PIGU: variants seen among roughly 807,000 people sequenced by gnomAD.
PIGU encodes the protein GPI-anchor transamidase component PIGU.
Under a neutral mutation model 49.9 loss-of-function variants are expected in PIGU, and 24 were observed. That is an observed-to-expected ratio of 0.48 (90% CI 0.35 to 0.68). The LOEUF is 0.68. PIGU is among the 30% of genes least tolerant of loss of function. The pLI, the probability that PIGU is intolerant of heterozygous loss-of-function variation, is 0.01. For missense variants in PIGU, 490 were observed against 532.6 expected (o/e 0.92, Z 0.79); for synonymous variants, 220 against 205.7 (o/e 1.07, Z -0.59).
intron 1 of PIGU, 31 bp from the exon 2 acceptor site, chr20:34,657,275 A>T: frequency 6.4e-7 from 1 of 1,570,648 alleles, no homozygotes; most frequent in South Asian, 1.1e-5. Context: ...GTTCACTCAG[A>T]CTAAGCAGGC....
intron 6 of PIGU, among the ~76,000 whole-genome samples, chr20:34,626,930 T>C (rs1279694768): frequency 6.6e-6 from 1 of 152,002 alleles, no homozygotes; most frequent in Non-Finnish European, 1.5e-5. Context: ...ATAATTTTAT[T>C]AATATTATGT....
At chr20:34,638,128 C>A in intron 4 of PIGU, 143 bp from the exon 5 acceptor site, 1 of 1,336,266 alleles carries the variant, frequency 7.5e-7, no homozygotes, top group Non-Finnish European at 9.7e-7. Context: ...ATCTCACACT[C>A]GGCCCTCCCC....
At chr20:34,673,292 A>G (rs2146801541) in intron 1 of PIGU, among the ~76,000 whole-genome samples, 1 of 152,124 alleles carries the variant, frequency 6.6e-6, no homozygotes, top group Non-Finnish European at 1.5e-5. Context: ...GTCATGTGAA[A>G]CCAGAAGGAG....
At position 34,666,928 on chromosome 20, in the gene PIGU, G is replaced by C. The variant is rs1258453773; in HGVS notation, c.131-9684C>G. ...TTAGCCAGGATGGTCTCGATCTCCT[G>C]ACCTCGTGATCCACCCGCCTCGGCC... On this transcript the variant is annotated intron_variant, in intron 1 of 11. Transcript: ENST00000217446. 2.6e-5 allele frequency among the ~76,000 whole-genome samples: 4 copies of C among 152,086 alleles called. No individual in the cohort carries two copies. The East Asian group carries it at 7.8e-4, about 29-fold the overall frequency.
intron 10 of PIGU, among the ~76,000 whole-genome samples, chr20:34,577,497 C>A (rs1401055085): frequency 6.6e-6 from 1 of 152,140 alleles, no homozygotes; most frequent in Non-Finnish European, 1.5e-5. Flanking sequence ...AGGTAGATCA[C>A]CTGAGGTCAA....
chr20:34,625,163 G>A (rs1442668911), intron 6 of PIGU, among the ~76,000 whole-genome samples: 2 of 151,674 alleles, frequency 1.3e-5, no homozygotes, highest in Non-Finnish European at 2.9e-5. Flanking sequence ...CCTGAGGTCA[G>A]GAGTACAAGA....
intron 7 of PIGU, among the ~76,000 whole-genome samples, chr20:34,615,559 C>T (rs1388955257): frequency 6.6e-6 from 1 of 152,148 alleles, no homozygotes; most frequent in African/African-American, 2.4e-5. Context: ...TTTCAGTTAC[C>T]TGTTGTCAAC....
chr20:34,572,146 G>C (rs1983038517), intron 11 of PIGU, among the ~76,000 whole-genome samples: 1 of 152,026 alleles, frequency 6.6e-6, no homozygotes, highest in South Asian at 2.1e-4. Flanking sequence ...AAGAATATGT[G>C]GAGGGATATG....
chr20:34,581,433 C>G, intron 10 of PIGU, 115 bp downstream of exon 10: 1 of 1,392,712 alleles, frequency 7.2e-7, no homozygotes, highest in South Asian at 1.4e-5. Context: ...TGCTCCCCTC[C>G]TAGTGCTGCC....
At chr20:34,649,962 C>A (rs972881744) in intron 2 of PIGU, among the ~76,000 whole-genome samples, 1 of 151,558 alleles carries the variant, frequency 6.6e-6, no homozygotes, top group African/African-American at 2.4e-5. Flanking sequence ...CATTCTCCTG[C>A]CTCAGCCTCC....
chr20:34,602,964 T>C (rs1984482641), intron 7 of PIGU, among the ~76,000 whole-genome samples: 1 of 152,198 alleles, frequency 6.6e-6, no homozygotes, highest in African/African-American at 2.4e-5. Context: ...TTGCCTATTT[T>C]TAAAATTTTT....
At chr20:34,639,935 A>G (rs1051907684) in intron 4 of PIGU, among the ~76,000 whole-genome samples, 14 of 152,340 alleles carry the variant, frequency 9.2e-5, no homozygotes, top group African/African-American at 3.4e-4. Flanking sequence ...CTTAGTGAGG[A>G]CAGCTGCAGC....
At chr20:34,675,254 A>G (rs915429937) in intron 1 of PIGU, among the ~76,000 whole-genome samples, 4 of 134,442 alleles carry the variant, frequency 3.0e-5, no homozygotes, top group Non-Finnish European at 4.9e-5. Context: ...ATCTCAAAAA[A>G]AAAAAAAAAA....
At chr20:34,592,844 T>C (rs1600608860) in intron 7 of PIGU, among the ~76,000 whole-genome samples, 1 of 152,146 alleles carries the variant, frequency 6.6e-6, no homozygotes, top group African/African-American at 2.4e-5. Flanking sequence ...CCTGCTGAAT[T>C]AGGGTTGATG....
intron 4 of PIGU, among the ~76,000 whole-genome samples, chr20:34,640,442 A>C (rs1365657202): frequency 6.6e-6 from 1 of 152,156 alleles, no homozygotes; most frequent in African/African-American, 2.4e-5. Flanking sequence ...AGCTAGAGAC[A>C]GGAAAGTGGC....
chr20:34,574,584 C>T (rs893920623), intron 11 of PIGU, among the ~76,000 whole-genome samples: 1 of 152,146 alleles, frequency 6.6e-6, no homozygotes, highest in African/African-American at 2.4e-5. Context: ...CTCAACTCCC[C>T]AACAGCCAGA....
At chr20:34,644,297 C>A (rs1600655330) in intron 3 of PIGU, 71 bp from the exon 4 acceptor site, 1 of 1,333,952 alleles carries the variant, frequency 7.5e-7, no homozygotes, top group East Asian at 2.4e-5. Context: ...GCTACCAGGG[C>A]TTGGAGTTTT....
At position 34,569,219 on chromosome 20, in the gene PIGU, T is replaced by A. The variant is rs1297215698; in HGVS notation, c.1194+5885A>T. 2.6e-5 allele frequency among the ~76,000 whole-genome samples: 4 copies of A among 151,808 alleles called. No individual in the cohort carries two copies. In the East Asian group the frequency reaches 7.7e-4, roughly 29 times the overall value. ...ACCCTGTCTCAAAAAGAAAAAAAAA[T>A]GAAATAAAATTAAAAAAAATTTTTT... On this transcript the variant is annotated intron_variant, in intron 11 of 11. Coordinates refer to ENST00000217446, the MANE Select transcript of PIGU (RefSeq NM_080476.5).
intron 1 of PIGU, among the ~76,000 whole-genome samples, chr20:34,659,833 T>TA (rs1986874682): frequency 6.6e-6 from 1 of 152,040 alleles, no homozygotes; most frequent in Non-Finnish European, 1.5e-5. Flanking sequence ...TGTGCTTTGT[T>TA]AAACAGATGC....
Sources: gnomAD v4.1 joint callset for allele counts (sites outside exome capture counted in the v4.1 genomes callset) on GRCh38, gnomAD v4.1.1 for gene constraint, MANE v1.5 for transcripts, NCBI Gene and HGNC (gene_info 2026-07-23, HGNC 2026-07-21) for gene names.